Variants in ZCCHC4 observed in about 807,000 individuals in gnomAD.
The protein encoded by ZCCHC4 is zinc finger CCHC-type containing 4.
ZCCHC4 carries 54 observed loss-of-function variants against 67.7 expected under a neutral mutation model. The observed-to-expected ratio is 0.80, with a 90% CI of 0.64 to 1.00. The LOEUF is 1.00. Ranked by LOEUF, ZCCHC4 falls within the 50% of genes least tolerant of loss-of-function variation. The probability of loss-of-function intolerance (pLI) is 0.00; values close to 1 mark genes in which losing one functional copy is unlikely to be tolerated. For missense variants in ZCCHC4, 609 were observed against 617.0 expected, an observed-to-expected ratio of 0.99 and a Z score of 0.14; for synonymous variants, 198 against 213.5, an observed-to-expected ratio of 0.93 and a Z score of 0.63.
chr4:25,346,293 A>G (rs1005712319), intron 6 of ZCCHC4, among the ~76,000 whole-genome samples: 2 of 152,184 alleles, frequency 1.3e-5, no homozygotes, highest in African/African-American at 4.8e-5. Flanking sequence ...GAGGTTAATA[A>G]TGTCACTGAG....
intron 8 of ZCCHC4, among the ~76,000 whole-genome samples, chr4:25,354,819 T>C (rs1360613349): frequency 6.6e-6 from 1 of 152,034 alleles, no homozygotes; most frequent in Middle Eastern, 3.2e-3. Context: ...TGTGGTACTT[T>C]TTTTTCTTGT....
At chr4:25,340,013 C>T (rs1440394727) in intron 5 of ZCCHC4, among the ~76,000 whole-genome samples, 11 of 151,966 alleles carry the variant, frequency 7.2e-5, no homozygotes, top group Admixed American at 2.0e-4. Context: ...GAACTACAGG[C>T]GCCTGCCACC....
intron 8 of ZCCHC4, among the ~76,000 whole-genome samples, chr4:25,356,714 A>G (rs1319591234): frequency 6.6e-6 from 1 of 152,066 alleles, no homozygotes; most frequent in African/African-American, 2.4e-5. Flanking sequence ...AATGCTCAAA[A>G]TATCTTTGTT....
chr4:25,368,918 T>G (rs2109098493), intron 12 of ZCCHC4, 111 bp from the exon 13 acceptor site: 9 of 1,294,426 alleles, frequency 7.0e-6, no homozygotes, highest in Middle Eastern at 5.1e-4. Context: ...TACAGTAGAT[T>G]CTTTCCCTTC....
chr4:25,365,179 C>T lies in ZCCHC4; in HGVS notation c.1406+13C>T, dbSNP rs1720894545. 6.2e-7 allele frequency: 1 copy of T among 1,613,050 alleles called. No homozygotes were observed. Among genetic ancestry groups the T allele is most frequent in the South Asian group, 1.1e-5 (1 of 90,866 alleles). The stretch of plus-strand genomic sequence containing the variant: ...AGAGAGCTAACAAGTCAGTCGAATA[C>T]TTTACTAGAAAAATGTATTCCATCT... On this transcript the variant is annotated intron_variant, in intron 12 of 12. Coordinates refer to ENST00000302874, the MANE Select transcript of ZCCHC4 (RefSeq NM_024936.3).
intron 3 of ZCCHC4, among the ~76,000 whole-genome samples, chr4:25,318,007 T>C (rs1396622487): frequency 6.6e-6 from 1 of 152,214 alleles, no homozygotes; most frequent in African/African-American, 2.4e-5. Context: ...AGGACTTATG[T>C]AGAGATTTAT....
chr4:25,352,218 G>A (rs939996804), intron 8 of ZCCHC4: 1 of 985,432 alleles, frequency 1.0e-6, no homozygotes, highest in Non-Finnish European at 1.2e-6. Flanking sequence ...TTACTGGAGT[G>A]AGTAACTTCA....
intron 8 of ZCCHC4, among the ~76,000 whole-genome samples, chr4:25,357,413 C>T (rs1007229276): frequency 1.3e-5 from 2 of 152,160 alleles, no homozygotes; most frequent in Admixed American, 6.5e-5. Flanking sequence ...ACTGTGAGTC[C>T]GTGCCAGCTT....
intron 8 of ZCCHC4, among the ~76,000 whole-genome samples, chr4:25,357,061 G>A (rs965859839): frequency 2.6e-5 from 4 of 152,078 alleles, no homozygotes; most frequent in South Asian, 2.1e-4. Context: ...AGCTCTAATC[G>A]TTAGAAAATT....
intron 8 of ZCCHC4, among the ~76,000 whole-genome samples, chr4:25,360,483 C>T (rs890864200): frequency 6.6e-6 from 1 of 152,250 alleles, no homozygotes; most frequent in Non-Finnish European, 1.5e-5. Context: ...CAGTTCATAA[C>T]TCATATGCTG....
intron 8 of ZCCHC4, among the ~76,000 whole-genome samples, chr4:25,354,441 A>G (rs1270191629): frequency 6.6e-6 from 1 of 152,224 alleles, no homozygotes; most frequent in Non-Finnish European, 1.5e-5. Context: ...AACAAAGTCT[A>G]AAAGCAAATT....
intron 8 of ZCCHC4, among the ~76,000 whole-genome samples, chr4:25,353,824 G>A (rs1350383763): frequency 1.3e-5 from 2 of 152,130 alleles, no homozygotes; most frequent in Non-Finnish European, 2.9e-5. Flanking sequence ...TTAACACACA[G>A]CAAGTATTAA....
At chr4:25,352,112 A>T in intron 8 of ZCCHC4, 1 of 987,674 alleles carries the variant, frequency 1.0e-6, no homozygotes, top group Non-Finnish European at 1.2e-6. Context: ...GGTTGGTGAA[A>T]TGCCATGCAC....
intron 5 of ZCCHC4, among the ~76,000 whole-genome samples, chr4:25,341,498 C>G (rs1719755092): frequency 6.6e-6 from 1 of 152,188 alleles, no homozygotes; most frequent in African/African-American, 2.4e-5. Context: ...ATGCCTGCTC[C>G]CCTTTCCTTT....
chr4:25,344,184 A>G (rs1421674299), intron 5 of ZCCHC4, among the ~76,000 whole-genome samples: 1 of 152,076 alleles, frequency 6.6e-6, no homozygotes, highest in African/African-American at 2.4e-5. Context: ...TTCCTAGTAA[A>G]TTAGCAGGAA....
chr4:25,360,586 AT>A (rs1258629645), intron 8 of ZCCHC4, among the ~76,000 whole-genome samples: 1 of 152,314 alleles, frequency 6.6e-6, no homozygotes, highest in East Asian at 1.9e-4. Flanking sequence ...ATGGATAACA[AT>A]CCCCCAAACT....
chr4:25,313,395 G>T (rs1357585012), intron 1 of ZCCHC4, among the ~76,000 whole-genome samples: 3 of 152,170 alleles, frequency 2.0e-5, no homozygotes, highest in East Asian at 3.8e-4. Flanking sequence ...GGGTAACCGC[G>T]CAAGAGATGT....
chr4:25,320,026 T>A (rs1339012103), intron 3 of ZCCHC4, among the ~76,000 whole-genome samples: 1 of 152,124 alleles, frequency 6.6e-6, no homozygotes, highest in Non-Finnish European at 1.5e-5. Flanking sequence ...AATTGACCTG[T>A]TAGCTGATTT....
chr4:25,327,379 T>C (rs1718936772), intron 3 of ZCCHC4, among the ~76,000 whole-genome samples: 1 of 132,900 alleles, frequency 7.5e-6, no homozygotes, highest in Admixed American at 7.2e-5. Context: ...TTTGAGAATC[T>C]CCCTCCCTCC....
Sources: gnomAD v4.1 joint callset for allele counts (sites outside exome capture counted in the v4.1 genomes callset) on GRCh38, gnomAD v4.1.1 for gene constraint, MANE v1.5 for transcripts, NCBI Gene and HGNC (gene_info 2026-07-23, HGNC 2026-07-21) for gene names.